Variants in RFX8 observed in about 807,000 individuals in gnomAD.
RFX8 encodes regulatory factor X8, also known as DNA-binding protein RFX8.
Under a neutral mutation model 54.6 loss-of-function variants are expected in RFX8, and 46 were observed. That is an observed-to-expected ratio of 0.84 (90% confidence interval 0.67 to 1.08). The LOEUF (loss-of-function observed/expected upper bound fraction) is 1.08, where lower values mean the gene tolerates loss of function less well. Among genes scored for constraint, RFX8 ranks in the 50% least tolerant of loss-of-function variants. The pLI is 0.00. For missense variants in RFX8, 536 were observed against 562.3 expected (o/e 0.95, Z 0.47); for synonymous variants, 192 against 209.5 (o/e 0.92, Z 0.72).
intron 2 of RFX8, among the ~76,000 whole-genome samples, chr2:101,431,818 G>A (rs544738462): frequency 7.2e-5 from 11 of 152,186 alleles, no homozygotes; most frequent in African/African-American, 2.6e-4. Flanking sequence ...AAAGAAGGTG[G>A]CATCACCCTC....
chr2:101,443,938 C>T (rs1688235490), intron 2 of RFX8, among the ~76,000 whole-genome samples: 1 of 152,086 alleles, frequency 6.6e-6, no homozygotes, highest in African/African-American at 2.4e-5. Context: ...TACACCCACA[C>T]CCAGAGCACT....
intron 11 of RFX8, among the ~76,000 whole-genome samples, chr2:101,401,254 G>A (rs748411256): frequency 3.3e-5 from 5 of 152,036 alleles, no homozygotes; most frequent in South Asian, 2.1e-4. Flanking sequence ...GCATTTCCCC[G>A]GCTCCTGTTT....
At chr2:101,451,004 C>G (rs1292320036) in intron 2 of RFX8, among the ~76,000 whole-genome samples, 1 of 151,960 alleles carries the variant, frequency 6.6e-6, no homozygotes, top group East Asian at 1.9e-4. Flanking sequence ...CACTGCCCCC[C>G]GACCCCCCAG....
At chr2:101,413,689 A>C (rs1686305268) in intron 7 of RFX8, among the ~76,000 whole-genome samples, 1 of 152,148 alleles carries the variant, frequency 6.6e-6, no homozygotes. Context: ...GTAAGTGGGA[A>C]GATAAGGCTC....
rs138508416 is a variant in RFX8 at position 101,419,060 on chromosome 2, G to A, written c.238-96C>T. 3.7e-4 allele frequency: 243 copies of A among 653,654 alleles called. 1 individual carries two copies. The East Asian group carries it at 6.2e-3, about 17-fold the overall frequency. The allele number at this position is 653,654 out of a possible 1,614,324, so 40.5% of individuals were successfully genotyped here. On this transcript the variant is annotated intron_variant, in intron 4 of 11. Coordinates refer to ENST00000428343, the MANE Select transcript of RFX8 (RefSeq NM_001145664.2). ...TACTTCCTTAGCCCCAGATGACAAT[G>A]GGATGAATTTTGTTCCAGTGCGTGT... is the stretch of plus-strand genomic sequence containing the variant.
chr2:101,472,139 C>T (rs1320871560), intron 1 of RFX8, among the ~76,000 whole-genome samples: 1 of 152,124 alleles, frequency 6.6e-6, no homozygotes, highest in Non-Finnish European at 1.5e-5. Flanking sequence ...TCACTCTTGT[C>T]GCCCACGCTG....
At chr2:101,441,949 T>A (rs1688120721) in intron 2 of RFX8, among the ~76,000 whole-genome samples, 1 of 152,244 alleles carries the variant, frequency 6.6e-6, no homozygotes, top group Admixed American at 6.5e-5. Flanking sequence ...TATTACTTGT[T>A]TTCTATTTGT....
At chr2:101,448,870 G>T (rs1688533806) in intron 2 of RFX8, among the ~76,000 whole-genome samples, 3 of 152,208 alleles carry the variant, frequency 2.0e-5, no homozygotes, top group African/African-American at 7.2e-5. Context: ...TTGGACATAT[G>T]GTCATCTTTT....
intron 2 of RFX8, among the ~76,000 whole-genome samples, chr2:101,446,571 T>C (rs1450579832): frequency 6.6e-6 from 1 of 152,174 alleles, no homozygotes; most frequent in East Asian, 1.9e-4. Flanking sequence ...CTCTTGCCTT[T>C]ATCTTTGTCC....
intron 2 of RFX8, chr2:101,452,336 C>A: frequency 1.9e-6 from 2 of 1,056,370 alleles, no homozygotes; most frequent in South Asian, 3.1e-5. Context: ...TGTGATTTTC[C>A]AAATCCTTGT....
At chr2:101,430,341 A>G (rs6543049) in intron 2 of RFX8, among the ~76,000 whole-genome samples, 112,568 of 151,764 alleles carry the variant, frequency 0.74, 43,024 homozygotes, top group Middle Eastern at 0.88. Flanking sequence ...TCAAATTCCT[A>G]CATTGAAGCC....
chr2:101,442,296 G>GTATT (rs1688141636), intron 2 of RFX8, among the ~76,000 whole-genome samples: 1 of 152,178 alleles, frequency 6.6e-6, no homozygotes, highest in Non-Finnish European at 1.5e-5. Context: ...AAAGGACAGT[G>GTATT]TATTGTATGT....
intron 11 of RFX8, 85 bp from the exon 12 acceptor site, chr2:101,397,809 T>A: frequency 8.3e-7 from 1 of 1,205,640 alleles, no homozygotes; most frequent in Non-Finnish European, 1.1e-6. Context: ...TGAATTCTTC[T>A]ACCAAGCCCG....
At chr2:101,448,224 C>T (rs1427074984) in intron 2 of RFX8, among the ~76,000 whole-genome samples, 1 of 152,178 alleles carries the variant, frequency 6.6e-6, no homozygotes, top group Non-Finnish European at 1.5e-5. Context: ...GGTTTCTGCC[C>T]TTGTGGATAT....
intron 9 of RFX8, among the ~76,000 whole-genome samples, chr2:101,408,170 T>C (rs184022191): frequency 3.9e-5 from 6 of 152,320 alleles, no homozygotes; most frequent in Admixed American, 3.3e-4. Flanking sequence ...GTAGTGATGA[T>C]CTCAGTGGGT....
At position 101,422,354 on chromosome 2, in the gene RFX8, A is replaced by C; in HGVS notation, c.183+8T>G. 1 of 1,402,710 alleles carries C rather than the reference A, an allele frequency of 7.1e-7. No homozygotes were observed. Among genetic ancestry groups the C allele is most frequent in the East Asian group, 2.5e-5 (1 of 40,294 alleles). 86.9% of individuals were successfully genotyped at this position (1,402,710 alleles called of 1,614,324 possible). On this transcript the variant is annotated splice_region_variant and intron_variant, in intron 3 of 11. Transcript: ENST00000428343. ...GAAAGGCTAATCTCCCCATGAGTGC[A>C]AACCTACCATATTACAGGAGTATTT...
At chr2:101,465,008 T>C (rs971347817) in intron 2 of RFX8, among the ~76,000 whole-genome samples, 4 of 152,250 alleles carry the variant, frequency 2.6e-5, no homozygotes, top group African/African-American at 7.2e-5. Flanking sequence ...TGGATGATGT[T>C]TGCCAATATT....
At chr2:101,432,241 A>T (rs1046974253) in intron 2 of RFX8, among the ~76,000 whole-genome samples, 2 of 152,172 alleles carry the variant, frequency 1.3e-5, no homozygotes, top group Non-Finnish European at 1.5e-5. Context: ...GCCTCTGCAA[A>T]CAAAGAACCA....
chr2:101,474,350 C>T, intron 1 of RFX8: 1 of 420,790 alleles, frequency 2.4e-6, no homozygotes, highest in Admixed American at 4.5e-5. Flanking sequence ...TGCACCGGTC[C>T]TGCTACCGCC....
Sources: gnomAD v4.1 joint callset for allele counts (sites outside exome capture counted in the v4.1 genomes callset) on GRCh38, gnomAD v4.1.1 for gene constraint, MANE v1.5 for transcripts, NCBI Gene and HGNC (gene_info 2026-07-23, HGNC 2026-07-21) for gene names.